TMCC1: variants seen among roughly 807,000 people sequenced by gnomAD.
TMCC1 encodes transmembrane and coiled-coil domains protein 1.
TMCC1 carries 15 observed loss-of-function variants against 52.4 expected under a neutral mutation model. The ratio of observed to expected loss-of-function variants is 0.29; its 90% confidence interval spans 0.19 to 0.44. The LOEUF is 0.44. Ranked by LOEUF, TMCC1 falls within the 20% of genes least tolerant of loss-of-function variation. TMCC1 has a pLI of 1.00. For missense variants in TMCC1, 503 were observed against 806.0 expected, an observed-to-expected ratio of 0.62 and a Z score of 4.55; for synonymous variants, 279 against 301.9, an observed-to-expected ratio of 0.92 and a Z score of 0.79.
rs181812126 is a variant in TMCC1 at position 129,865,175 on chromosome 3, A to G, written c.-184+15134T>C. On this transcript the variant is annotated intron_variant, in intron 2 of 6. Transcript: ENST00000393238. ...CCCAAACAGTAAGATTTGCTCCAGA[A>G]AGCTCAGGCTTCTCATTCATTTTTT... is the stretch of plus-strand genomic sequence containing the variant. Among the ~76,000 whole-genome samples the G allele has an allele frequency of 2.4e-4, 37 of 152,192 alleles. No individual in the cohort carries two copies. The East Asian group carries it at 7.0e-3, about 29-fold the overall frequency.
intron 4 of TMCC1, among the ~76,000 whole-genome samples, chr3:129,674,347 T>C (rs920767326): frequency 2.0e-5 from 3 of 152,162 alleles, no homozygotes; most frequent in African/African-American, 2.4e-5. Flanking sequence ...GTATAGCTGA[T>C]AGAACCCAAC....
At chr3:129,767,259 TAAA>T (rs574438436) in intron 4 of TMCC1, among the ~76,000 whole-genome samples, 3 of 132,596 alleles carry the variant, frequency 2.3e-5, no homozygotes, top group Admixed American at 7.7e-5. Flanking sequence ...ACGCTGTCTT[TAAA>T]AAAAAAAAAA....
intron 4 of TMCC1, among the ~76,000 whole-genome samples, chr3:129,788,520 T>C (rs1482878249): frequency 1.3e-5 from 2 of 152,140 alleles, no homozygotes; most frequent in Non-Finnish European, 2.9e-5. Context: ...TGGAGTGCAG[T>C]GGCAGGATGT....
intron 2 of TMCC1, among the ~76,000 whole-genome samples, chr3:129,852,000 A>T (rs1481693086): frequency 3.3e-5 from 5 of 152,054 alleles, no homozygotes; most frequent in African/African-American, 1.2e-4. Flanking sequence ...AAATTCAAAA[A>T]AAATTAGCCG....
intron 4 of TMCC1, among the ~76,000 whole-genome samples, chr3:129,737,709 C>T (rs1056771999): frequency 6.6e-6 from 1 of 152,114 alleles, no homozygotes; most frequent in East Asian, 1.9e-4. Context: ...CAAACTAAGA[C>T]ACACACCCCA....
At chr3:129,841,748 G>A (rs2059431624) in intron 2 of TMCC1, among the ~76,000 whole-genome samples, 1 of 152,182 alleles carries the variant, frequency 6.6e-6, no homozygotes, top group Non-Finnish European at 1.5e-5. Flanking sequence ...TTCTGGGGGA[G>A]AAATTCAAGC....
chr3:129,752,489 G>C (rs2052615106), intron 4 of TMCC1, among the ~76,000 whole-genome samples: 1 of 152,070 alleles, frequency 6.6e-6, no homozygotes. Context: ...ACTAATGAAT[G>C]ATCAAAAGGT....
chr3:129,669,043 T>C (rs2087699323), intron 5 of TMCC1, among the ~76,000 whole-genome samples: 1 of 152,214 alleles, frequency 6.6e-6, no homozygotes, highest in African/African-American at 2.4e-5. Flanking sequence ...AGTCTTAAGT[T>C]AGAATTGAAG....
intron 2 of TMCC1, among the ~76,000 whole-genome samples, chr3:129,837,344 C>T (rs1046201769): frequency 1.3e-4 from 19 of 152,000 alleles, no homozygotes; most frequent in African/African-American, 7.2e-5. Context: ...CAGACTCTCA[C>T]GGAGAAACAG....
At chr3:129,763,208 AAAT>A (rs1424409834) in intron 4 of TMCC1, among the ~76,000 whole-genome samples, 10 of 68,276 alleles carry the variant, frequency 1.5e-4, no homozygotes, top group African/African-American at 1.1e-3. Context: ...AAAAAATAAA[AAAT>A]AAATAAATAA....
At chr3:129,770,152 C>CT (rs1325493902) in intron 4 of TMCC1, among the ~76,000 whole-genome samples, 1 of 152,138 alleles carries the variant, frequency 6.6e-6, no homozygotes, top group Non-Finnish European at 1.5e-5. Flanking sequence ...TTCAAGGGAT[C>CT]TTGTATTTAT....
chr3:129,667,895 T>C (rs1448170219), intron 5 of TMCC1, among the ~76,000 whole-genome samples: 2 of 152,110 alleles, frequency 1.3e-5, no homozygotes, highest in East Asian at 1.9e-4. Context: ...CCATTCAAAA[T>C]AGAGGAGTTG....
intron 4 of TMCC1, among the ~76,000 whole-genome samples, chr3:129,774,380 A>G (rs1349051991): frequency 6.6e-6 from 1 of 152,234 alleles, no homozygotes; most frequent in Non-Finnish European, 1.5e-5. Context: ...AAAAAATGCT[A>G]TGAATATTCT....
At chr3:129,867,029 G>T (rs1560580528) in intron 2 of TMCC1, 1 of 151,628 alleles carries the variant, frequency 6.6e-6, no homozygotes, top group Non-Finnish European at 1.5e-5. Context: ...CTAACTCCAA[G>T]ATTACGACAT....
intron 4 of TMCC1, among the ~76,000 whole-genome samples, chr3:129,711,278 C>T (rs941645419): frequency 6.6e-6 from 1 of 152,118 alleles, no homozygotes; most frequent in Admixed American, 6.5e-5. Context: ...ATTCTCATGT[C>T]TGTAAGAAAA....
chr3:129,679,322 T>G (rs72628505), intron 4 of TMCC1, among the ~76,000 whole-genome samples: 11,199 of 152,202 alleles, frequency 0.074, 791 homozygotes, highest in East Asian at 0.34. Context: ...TTTATTTATT[T>G]ATTGATGGAG....
intron 4 of TMCC1, among the ~76,000 whole-genome samples, chr3:129,788,834 A>G (rs1161659464): frequency 6.6e-6 from 1 of 152,146 alleles, no homozygotes; most frequent in Admixed American, 6.6e-5. Context: ...TTTGTAAAAT[A>G]CCAAAATGTT....
intron 4 of TMCC1, among the ~76,000 whole-genome samples, chr3:129,794,933 G>T (rs2056721301): frequency 6.6e-6 from 1 of 152,164 alleles, no homozygotes; most frequent in Admixed American, 6.6e-5. Flanking sequence ...AAAAAAGGAG[G>T]TGGTGAAAAG....
intron 2 of TMCC1, among the ~76,000 whole-genome samples, chr3:129,835,115 T>G (rs1560514677): frequency 6.6e-6 from 1 of 152,156 alleles, no homozygotes; most frequent in Non-Finnish European, 1.5e-5. Flanking sequence ...CTTTTGCACC[T>G]CATTTATGCC....
Sources: gnomAD v4.1 joint callset for allele counts (sites outside exome capture counted in the v4.1 genomes callset) on GRCh38, gnomAD v4.1.1 for gene constraint, MANE v1.5 for transcripts, NCBI Gene and HGNC (gene_info 2026-07-23, HGNC 2026-07-21) for gene names.